The following SPTBN1 variants were observed in gnomAD, a reference collection of about 807,000 sequenced individuals.
SPTBN1 encodes the protein spectrin beta chain, non-erythrocytic 1.
SPTBN1 carries 32 observed loss-of-function variants against 266.4 expected under a neutral mutation model. The observed-to-expected ratio is 0.12, with a 90% CI of 0.09 to 0.16. SPTBN1 has a LOEUF of 0.16. Ranked by LOEUF, SPTBN1 falls within the 10% of genes least tolerant of loss-of-function variation. The pLI is 1.00. For missense variants in SPTBN1, 2,296 were observed against 3,067.1 expected (o/e 0.75, Z 5.94); for synonymous variants, 1,336 against 1,162.2 (o/e 1.15, Z -3.04).
At chr2:54,547,916 G>T (rs1672341151) in intron 2 of SPTBN1, among the ~76,000 whole-genome samples, 1 of 151,872 alleles carries the variant, frequency 6.6e-6, no homozygotes, top group Non-Finnish European at 1.5e-5. Flanking sequence ...GGCCAAGGCG[G>T]GCAGATCACG....
chr2:54,586,454 C>G (rs1675304114), intron 2 of SPTBN1, among the ~76,000 whole-genome samples: 1 of 152,218 alleles, frequency 6.6e-6, no homozygotes, highest in African/African-American at 2.4e-5. Context: ...TCTATAGTTT[C>G]AAGTGATAAC....
At chr2:54,638,039 C>A (rs989203624) in intron 18 of SPTBN1, among the ~76,000 whole-genome samples, 1 of 152,176 alleles carries the variant, frequency 6.6e-6, no homozygotes, top group African/African-American at 2.4e-5. Flanking sequence ...CTGCACTGTT[C>A]ATTACAGTAG....
chr2:54,606,996 A>G (rs1432461872), intron 3 of SPTBN1, among the ~76,000 whole-genome samples: 2 of 152,250 alleles, frequency 1.3e-5, no homozygotes, highest in Admixed American at 1.3e-4. Context: ...CATTGCACAA[A>G]TAGCAAATTC....
At chr2:54,519,599 G>A (rs944864545) in intron 1 of SPTBN1, among the ~76,000 whole-genome samples, 5 of 152,182 alleles carry the variant, frequency 3.3e-5, no homozygotes, top group African/African-American at 1.2e-4. Flanking sequence ...CTAGAGAGAT[G>A]GGCAAGGTCC....
chr2:54,649,515 T>G lies in SPTBN1; in HGVS notation c.5203-100T>G. The G allele has an allele frequency of 5.4e-6, 8 of 1,488,316 alleles. No individual in the cohort carries two copies. The highest frequency in any genetic ancestry group is 7.2e-6 in the Non-Finnish European group (8 of 1,111,942). 92.2% of individuals were successfully genotyped at this position (1,488,316 alleles called of 1,614,324 possible). A position where few individuals can be genotyped will look rare whatever the true frequency, so the allele number is the denominator to read the frequency against. ...GAAGTCATGAGTATTATTGGCTACA[T>G]CTTGCTTAGAGGCAGTTTCTTTCCA... is the stretch of plus-strand genomic sequence containing the variant. On this transcript the variant is annotated intron_variant, in intron 25 of 35. Transcript: ENST00000356805. This position sits in a 1 kb window ranked among gnomAD's most constrained non-coding sequence, Gnocchi z 6.7.
chr2:54,603,622 G>A (rs1358434170), intron 3 of SPTBN1, among the ~76,000 whole-genome samples: 1 of 152,158 alleles, frequency 6.6e-6, no homozygotes, highest in Admixed American at 6.5e-5. Context: ...GGTATTCCCC[G>A]ATTAATTGTA....
At chr2:54,470,087 C>G (rs1693845584) in intron 1 of SPTBN1, among the ~76,000 whole-genome samples, 1 of 152,168 alleles carries the variant, frequency 6.6e-6, no homozygotes, top group African/African-American at 2.4e-5. Context: ...TTTGAAAGGC[C>G]TATTTTGCCT....
intron 1 of SPTBN1, among the ~76,000 whole-genome samples, chr2:54,475,420 T>A (rs1265174522): frequency 6.6e-6 from 1 of 152,140 alleles, no homozygotes; most frequent in Non-Finnish European, 1.5e-5. Context: ...AAACTTTTAA[T>A]GATGACAGAT....
chr2:54,666,393 CA>C (rs1553357777), intron 34 of SPTBN1, among the ~76,000 whole-genome samples: 1 of 152,222 alleles, frequency 6.6e-6, no homozygotes, highest in Non-Finnish European at 1.5e-5. Flanking sequence ...TCACATTTCA[CA>C]GTTTAAGGGA....
chr2:54,645,576 T>G lies in SPTBN1; in HGVS notation c.4494+123T>G, dbSNP rs889303095. 16 of 988,792 alleles carry G rather than the reference T, an allele frequency of 1.6e-5. No individual in the cohort carries two copies. The African/African-American group carries it at 2.6e-4, about 16-fold the overall frequency. 61.3% of individuals were successfully genotyped at this position (988,792 alleles called of 1,614,324 possible). ...ACGTTGGCAAGCTGAGCTGCCAAAG[T>G]CCACGCTCTGGATGGTCTAAAGTTT... is the stretch of plus-strand genomic sequence containing the variant. On this transcript the variant is annotated intron_variant, in intron 21 of 35. Transcript: ENST00000356805. This position sits in a 1 kb window ranked among gnomAD's most constrained non-coding sequence, Gnocchi z 4.3.
chr2:54,468,153 A>G (rs1693732662), intron 1 of SPTBN1, among the ~76,000 whole-genome samples: 1 of 151,944 alleles, frequency 6.6e-6, no homozygotes, highest in East Asian at 1.9e-4. Flanking sequence ...CTAAAAATGC[A>G]AAAATTGGCT....
At chr2:54,570,088 G>A (rs531973592) in intron 2 of SPTBN1, among the ~76,000 whole-genome samples, 2 of 152,002 alleles carry the variant, frequency 1.3e-5, no homozygotes, top group South Asian at 2.1e-4. Context: ...CTCTGGAGCA[G>A]CTATTGCTGC....
chr2:54,632,496 G>A (rs1202995538), intron 16 of SPTBN1, 70 bp from the exon 17 acceptor site: 31 of 1,460,144 alleles, frequency 2.1e-5, no homozygotes, highest in East Asian at 6.8e-5. Flanking sequence ...TATGTTGCAC[G>A]GAAATGTAGA....
intron 1 of SPTBN1, among the ~76,000 whole-genome samples, chr2:54,480,699 C>G (rs572284990): frequency 1.6e-4 from 25 of 152,286 alleles, no homozygotes; most frequent in African/African-American, 6.0e-4. Flanking sequence ...GAAGTCATCA[C>G]TGAGTTGCTG....
intron 4 of SPTBN1, among the ~76,000 whole-genome samples, chr2:54,613,554 GCTGATCAT>G (rs1307576414): frequency 6.6e-6 from 1 of 152,196 alleles, no homozygotes; most frequent in African/African-American, 2.4e-5. Context: ...TCCCAAGCTG[GCTGATCAT>G]CTGATGCCTT....
Position 54,545,601 on chromosome 2 carries a change from A to G in SPTBN1, c.148+19035A>G, listed in dbSNP as rs190866105. The G allele has an allele frequency of 7.2e-5, 11 of 152,326 alleles. No individual in the cohort carries two copies. The East Asian group carries it at 2.1e-3, about 29-fold the overall frequency. 9.4% of individuals were successfully genotyped at this position (152,326 alleles called of 1,614,324 possible). ...CAGCAAAACTATTTTTAGGTAACAA[A>G]GCTTTTTGATGGCATATACAAAAAT... On this transcript the variant is annotated intron_variant, in intron 2 of 35. Transcript: ENST00000356805.
rs1000205919 is a variant in SPTBN1 at position 54,533,614 on chromosome 2, G to A, written c.148+7048G>A. Among the ~76,000 whole-genome samples the A allele has an allele frequency of 2.6e-5, 4 of 152,112 alleles. No individual in the cohort carries two copies. The highest frequency in any genetic ancestry group is 2.1e-4 in the South Asian group (1 of 4,824). On this transcript the variant is annotated intron_variant, in intron 2 of 35. Transcript: ENST00000356805. The surrounding 1 kb of genome is among the most constrained non-coding windows in gnomAD (Gnocchi z 4.2). ...CACCCAGGCTGTAGTACGATGGCGC[G>A]ATCTTGGCTCACTGCAACCTCCGCC...
intron 19 of SPTBN1, 104 bp from the exon 20 acceptor site, chr2:54,644,219 G>A (rs997913801): frequency 2.8e-6 from 4 of 1,421,152 alleles, no homozygotes; most frequent in Non-Finnish European, 3.8e-6. Flanking sequence ...TGTATTGAGT[G>A]AATGGTTAAA....
intron 1 of SPTBN1, among the ~76,000 whole-genome samples, chr2:54,524,259 G>C (rs970484704): frequency 6.6e-6 from 1 of 152,008 alleles, no homozygotes; most frequent in African/African-American, 2.4e-5. Context: ...CACTTTAAAA[G>C]GGGTGTTGTC....
Sources: allele counts gnomAD v4.1 joint callset (sites outside exome capture counted in the v4.1 genomes callset), GRCh38; gene constraint gnomAD v4.1.1; non-coding constraint Gnocchi (gnomAD v3.1); transcripts MANE v1.5; gene names NCBI Gene and HGNC (gene_info 2026-07-23, HGNC 2026-07-21).